The following ZMYM4 variants were observed in gnomAD, a reference collection of about 807,000 sequenced individuals.
ZMYM4 encodes zinc finger MYM-type containing 4.
Under a neutral mutation model 183.2 loss-of-function variants are expected in ZMYM4, and 31 were observed. The ratio of observed to expected loss-of-function variants is 0.17; its 90% confidence interval spans 0.13 to 0.23. The LOEUF (loss-of-function observed/expected upper bound fraction) is 0.23, where lower values mean the gene tolerates loss of function less well. Among genes scored for constraint, ZMYM4 ranks in the 10% least tolerant of loss-of-function variants. The probability of loss-of-function intolerance (pLI) is 1.00; values close to 1 mark genes in which losing one functional copy is unlikely to be tolerated. For missense variants in ZMYM4, 1,273 were observed against 1,840.3 expected (o/e 0.69, Z 5.64); for synonymous variants, 592 against 631.2 (o/e 0.94, Z 0.93).
intron 1 of ZMYM4, among the ~76,000 whole-genome samples, chr1:35,321,237 T>TA (rs1435469188): frequency 6.6e-6 from 1 of 152,204 alleles, no homozygotes; most frequent in Non-Finnish European, 1.5e-5. Context: ...AGGAAAGAGC[T>TA]GTGAATTCTA....
intron 23 of ZMYM4, chr1:35,404,758 A>T (rs1419301534): frequency 3.8e-6 from 1 of 265,538 alleles, no homozygotes; most frequent in African/African-American, 2.2e-5. Flanking sequence ...AGGTGAGTCT[A>T]TATCTGGAAC....
At chr1:35,407,659 A>G (rs139037073) in intron 25 of ZMYM4, among the ~76,000 whole-genome samples, 2,532 of 152,202 alleles carry the variant, frequency 0.017, 66 homozygotes, top group African/African-American at 0.057. Context: ...CTCAGATTGG[A>G]ATTCTTTACC....
rs369570492 is a variant in ZMYM4, at chr1:35,398,856, T to C, written c.3254-8T>C. 403 of 1,613,506 alleles carry C rather than the reference T, an allele frequency of 2.5e-4. No homozygotes were observed. Among genetic ancestry groups the C allele is most frequent in the Non-Finnish European group, 3.3e-4 (395 of 1,179,704 alleles). On this transcript the variant is annotated splice_region_variant and splice_polypyrimidine_tract_variant and intron_variant, in intron 21 of 29. Transcript: ENST00000314607. Reference sequence around the variant, plus strand: ...TTTGAGGGCTTAATTGTTATCTATATATTTCAGACCAAGGAAGTACATACA... The same window carrying C: ...TTTGAGGGCTTAATTGTTATCTATACATTTCAGACCAAGGAAGTACATACA...
chr1:35,291,516 G>T (rs762546724), intron 1 of ZMYM4, among the ~76,000 whole-genome samples: 10 of 150,616 alleles, frequency 6.6e-5, no homozygotes, highest in Non-Finnish European at 1.2e-4. Flanking sequence ...ATTTTTTTCT[G>T]TCTCCAGATG....
At chr1:35,405,307 T>G in intron 24 of ZMYM4, 66 bp from the exon 25 acceptor site, 1 of 1,578,456 alleles carries the variant, frequency 6.3e-7, no homozygotes. Flanking sequence ...TGGTTTGGGC[T>G]TTACTTAATT....
At chr1:35,383,541 T>C (rs1441854849) in intron 9 of ZMYM4, among the ~76,000 whole-genome samples, 2 of 152,142 alleles carry the variant, frequency 1.3e-5, no homozygotes, top group Non-Finnish European at 2.9e-5. Context: ...TCATTCCTTA[T>C]TTTTGTTCTC....
intron 2 of ZMYM4, among the ~76,000 whole-genome samples, chr1:35,332,820 A>G: frequency 6.6e-6 from 1 of 152,128 alleles, no homozygotes; most frequent in Admixed American, 6.6e-5. Flanking sequence ...TCAACCTCCC[A>G]GGTAGCTAGA....
intron 2 of ZMYM4, among the ~76,000 whole-genome samples, chr1:35,340,771 T>C (rs1406487993): frequency 6.6e-6 from 1 of 152,234 alleles, no homozygotes; most frequent in African/African-American, 2.4e-5. Context: ...TGTGGGATGC[T>C]GACCTCCTGC....
At chr1:35,413,690 G>A (rs1236343818) in intron 26 of ZMYM4, among the ~76,000 whole-genome samples, 1 of 152,110 alleles carries the variant, frequency 6.6e-6, no homozygotes, top group Non-Finnish European at 1.5e-5. Flanking sequence ...CTAAGTAAAG[G>A]GTTCTTCATA....
intron 2 of ZMYM4, among the ~76,000 whole-genome samples, chr1:35,332,834 A>G (rs1186631953): frequency 6.6e-6 from 1 of 152,064 alleles, no homozygotes; most frequent in Non-Finnish European, 1.5e-5. Flanking sequence ...AGCTAGAACT[A>G]TAGGCCTGCA....
intron 1 of ZMYM4, among the ~76,000 whole-genome samples, chr1:35,279,040 T>C (rs1478795563): frequency 6.6e-6 from 1 of 152,208 alleles, no homozygotes; most frequent in Non-Finnish European, 1.5e-5. Flanking sequence ...GGCCTGAGAA[T>C]AATCCTCTGT....
chr1:35,280,496 T>A (rs1016730072), intron 1 of ZMYM4, among the ~76,000 whole-genome samples: 1 of 152,184 alleles, frequency 6.6e-6, no homozygotes, highest in African/African-American at 2.4e-5. Flanking sequence ...AAAATCTGAA[T>A]TAGTTTCCTG....
intron 2 of ZMYM4, among the ~76,000 whole-genome samples, chr1:35,345,492 G>T (rs1163807914): frequency 6.6e-6 from 1 of 150,494 alleles, no homozygotes; most frequent in Non-Finnish European, 1.5e-5. Context: ...TACTCCTGTT[G>T]CCCAGGCTCT....
chr1:35,298,918 G>C (rs914956279), intron 1 of ZMYM4, among the ~76,000 whole-genome samples: 3 of 152,062 alleles, frequency 2.0e-5, no homozygotes, highest in Admixed American at 2.0e-4. Flanking sequence ...TTTTCATATG[G>C]TGTCATTTTC....
At chr1:35,385,342 GATTTCAAAT>G in intron 9 of ZMYM4, 91 bp from the exon 10 acceptor site, 1 of 1,262,326 alleles carries the variant, frequency 7.9e-7, no homozygotes, top group Non-Finnish European at 1.1e-6. Context: ...GAAAATCACT[GATTTCAAAT>G]ATTTCAAAAG....
chr1:35,377,351 G>A (rs1345254607), intron 7 of ZMYM4, among the ~76,000 whole-genome samples: 4 of 152,184 alleles, frequency 2.6e-5, no homozygotes, highest in African/African-American at 9.7e-5. Flanking sequence ...AAAAAGCAAA[G>A]CAGTCTAGAG....
Position 35,274,463 on chromosome 1 carries a change from G to A in ZMYM4, c.39+5378G>A, listed in dbSNP as rs561112687. Among the ~76,000 whole-genome samples, 46 of 152,116 alleles carry A rather than the reference G, an allele frequency of 3.0e-4. 1 individual carries two copies. In the South Asian group the frequency reaches 8.9e-3, roughly 30 times the overall value. ...CTACAATAAATTAAAAAAATTACCC[G>A]AGGTTTAGTAGCCTCGTCTACTCAT... is the stretch of plus-strand genomic sequence containing the variant. On this transcript the variant is annotated intron_variant, in intron 1 of 29. Coordinates refer to ENST00000314607, the MANE Select transcript of ZMYM4 (RefSeq NM_005095.3).
At chr1:35,309,905 T>G (rs1160352421) in intron 1 of ZMYM4, among the ~76,000 whole-genome samples, 1 of 151,424 alleles carries the variant, frequency 6.6e-6, no homozygotes, top group African/African-American at 2.4e-5. Context: ...TTTTGTGGGG[T>G]TTTTTTGTGT....
chr1:35,379,537 A>G (rs916776657), intron 7 of ZMYM4, among the ~76,000 whole-genome samples: 1 of 152,244 alleles, frequency 6.6e-6, no homozygotes, highest in Non-Finnish European at 1.5e-5. Flanking sequence ...CGCCCGGCCA[A>G]CTGTTGCGCT....
Sources: gnomAD v4.1 joint callset for allele counts (sites outside exome capture counted in the v4.1 genomes callset) on GRCh38, gnomAD v4.1.1 for gene constraint, MANE v1.5 for transcripts, NCBI Gene and HGNC (gene_info 2026-07-23, HGNC 2026-07-21) for gene names.